The following DHX30 variants were observed in gnomAD, a reference collection of about 807,000 sequenced individuals.
The protein encoded by DHX30 is DExH-box helicase 30.
Under a neutral mutation model 116.9 loss-of-function variants are expected in DHX30, and 4 were observed. The observed-to-expected ratio is 0.03, with a 90% CI of 0.02 to 0.08. DHX30 has a LOEUF of 0.08. DHX30 is among the 10% of genes least tolerant of loss of function. The pLI is 1.00. For missense variants in DHX30, 871 were observed against 1,595.1 expected (o/e 0.55, Z 7.73); for synonymous variants, 697 against 651.7 (o/e 1.07, Z -1.06).
chr3:47,835,357 G>T (rs1268132069), intron 6 of DHX30, among the ~76,000 whole-genome samples: 2 of 152,008 alleles, frequency 1.3e-5, no homozygotes, highest in Non-Finnish European at 2.9e-5. Flanking sequence ...TACTAGAGAT[G>T]GGGTTTCTCC....
intron 4 of DHX30, among the ~76,000 whole-genome samples, chr3:47,820,309 A>G (rs189346277): frequency 6.6e-6 from 1 of 151,810 alleles, no homozygotes; most frequent in East Asian, 1.9e-4. Context: ...GCGAGACTCC[A>G]TCTCAAAAAA....
At chr3:47,822,820 G>T (rs753051729) in intron 4 of DHX30, among the ~76,000 whole-genome samples, 14 of 151,548 alleles carry the variant, frequency 9.2e-5, no homozygotes, top group Admixed American at 6.6e-5. Flanking sequence ...AAGGCCAGGC[G>T]CAGTGGCCCA....
Position 47,847,507 on chromosome 3 carries a change from T to G in DHX30, c.2081T>G (p.Met694Arg), listed in dbSNP as rs766346691. ...VQQRLQEALG[M>R]HESKYLILPV... ...CAGCGCCTCCAGGAGGCCCTGGGCATGCACGAGAGCAAGTACCTCATCCTG... is the reference window on the plus strand; with the variant it reads ...CAGCGCCTCCAGGAGGCCCTGGGCAGGCACGAGAGCAAGTACCTCATCCTG... Residue 694 changes from methionine (M) to arginine (R), a missense_variant, in exon 13 of 22, where the codon ATG becomes AGG. Physicochemically the swap from Met to Arg is moderately conservative, Grantham distance 91. Around this residue, in one of 13 missense-constraint regions of DHX30, gnomAD observed 49 missense variants for 60.9 expected, o/e 0.80. Transcript: ENST00000445061. The surrounding 1 kb of genome is among the most constrained non-coding windows in gnomAD (Gnocchi z 5.5). 1.4e-5 allele frequency: 22 copies of G among 1,611,912 alleles called. No homozygotes were observed. Among genetic ancestry groups the G allele is most frequent in the Non-Finnish European group, 1.7e-5 (20 of 1,179,022 alleles).
At chr3:47,840,372 C>T (rs555186803) in intron 6 of DHX30, among the ~76,000 whole-genome samples, 4 of 151,188 alleles carry the variant, frequency 2.6e-5, no homozygotes, top group South Asian at 2.1e-4. Context: ...GGGCTTGGTG[C>T]GGTGGCTCAT....
chr3:47,822,114 GTC>G (rs1381543942), intron 4 of DHX30: 2 of 152,218 alleles, frequency 1.3e-5, no homozygotes, highest in African/African-American at 4.8e-5. Context: ...TCTGGATTTG[GTC>G]TGCAGGCTGT....
intron 2 of DHX30, among the ~76,000 whole-genome samples, chr3:47,809,258 T>TC (rs2035678696): frequency 7.2e-6 from 1 of 139,766 alleles, no homozygotes; most frequent in Non-Finnish European, 1.5e-5. Context: ...TTTTTTTTTT[T>TC]TGAGACGGAG....
intron 5 of DHX30, 111 bp downstream of exon 5, chr3:47,827,588 A>G (rs2036603917): frequency 2.1e-6 from 3 of 1,402,672 alleles, no homozygotes; most frequent in Non-Finnish European, 2.9e-6. Context: ...GGTTTCCTGA[A>G]TTAAAATGGT....
intron 5 of DHX30, among the ~76,000 whole-genome samples, chr3:47,827,988 A>G (rs962921626): frequency 6.6e-6 from 1 of 151,974 alleles, no homozygotes; most frequent in African/African-American, 2.4e-5. Flanking sequence ...CCTCCAAAGT[A>G]GCTGGGACTA....
intron 4 of DHX30, among the ~76,000 whole-genome samples, chr3:47,821,448 T>A (rs2036296108): frequency 1.3e-5 from 2 of 151,258 alleles, no homozygotes; most frequent in Non-Finnish European, 2.9e-5. Context: ...TGTATTTTTT[T>A]AGTAGAGATG....
intron 4 of DHX30, among the ~76,000 whole-genome samples, chr3:47,821,672 C>CA (rs1196501936): frequency 1.3e-5 from 2 of 152,108 alleles, no homozygotes; most frequent in African/African-American, 4.8e-5. Flanking sequence ...AATGTCGGCT[C>CA]ACTGCAACCT....
intron 4 of DHX30, chr3:47,825,089 G>C (rs1423386216): frequency 9.0e-6 from 6 of 670,248 alleles, no homozygotes; most frequent in South Asian, 1.6e-5. Flanking sequence ...ATCTCTCCGC[G>C]CCTGCAGCCG....
chr3:47,810,538 A>G, intron 2 of DHX30, 119 bp from the exon 3 acceptor site: 1 of 764,904 alleles, frequency 1.3e-6, no homozygotes, highest in Non-Finnish European at 2.2e-6. Flanking sequence ...GGGGCTCATT[A>G]GTGAAGAGTT....
chr3:47,846,051 C>A, intron 10 of DHX30, 114 bp from the exon 11 acceptor site: 1 of 1,408,370 alleles, frequency 7.1e-7, no homozygotes. Flanking sequence ...AATTAATCCT[C>A]TGCCCAGCGG....
chr3:47,807,920 A>T (rs938596012), intron 2 of DHX30, among the ~76,000 whole-genome samples: 8 of 150,070 alleles, frequency 5.3e-5, no homozygotes, highest in Non-Finnish European at 1.0e-4. Flanking sequence ...TTTTTTTTAA[A>T]TTTTTTTGAG....
Position 47,841,016 on chromosome 3 carries a change from A to T in DHX30, c.506A>T (p.Asn169Ile). Residue 169 changes from asparagine (N) to isoleucine (I), a missense_variant, in exon 7 of 22, where the codon AAT becomes ATT. This residue lies in a region of DHX30 where 109 missense variants were observed against 118.8 expected (regional missense o/e 0.92). Transcript: ENST00000445061. ...TMPPTSWRQL[N>I]PESIRPGGPG... ...CCCCCTACTTCCTGGCGGCAGCTGA[A>T]TCCAGAGAGTATTCGACCAGGGGGA... 6.2e-7 allele frequency: 1 copy of T among 1,614,186 alleles called. No homozygotes were observed. Among genetic ancestry groups the T allele is most frequent in the Non-Finnish European group, 8.5e-7 (1 of 1,180,012 alleles).
At chr3:47,831,089 T>C (rs2036827472) in intron 6 of DHX30, 2 of 149,820 alleles carry the variant, frequency 1.3e-5, no homozygotes, top group Admixed American at 1.3e-4. Context: ...TCCATTGCTA[T>C]AAAGGAATAC....
chr3:47,805,561 CAG>C (rs2035478813), intron 2 of DHX30, 141 bp downstream of exon 2: 1 of 385,666 alleles, frequency 2.6e-6, no homozygotes, highest in African/African-American at 2.1e-5. Flanking sequence ...ATTTTTGAGA[CAG>C]AGTCTCGCTT....
chr3:47,840,984 C>T lies in DHX30; in HGVS notation c.474C>T (p.Pro158=), dbSNP rs1422127496. ...CCGACAGCTGGTGGCGTCCGGAACC[C>T]ACCATGCCCCCTACTTCCTGGCGGC... is the stretch of plus-strand genomic sequence containing the variant. ...SPADSWWRPE[P]TMPPTSWRQL... The change falls in exon 7 of 22, where the codon CCC becomes CCT. Residue 158 remains proline (P), a synonymous_variant. Coordinates refer to ENST00000445061, the MANE Select transcript of DHX30 (RefSeq NM_138615.3). 1 of 1,614,122 alleles carries T rather than the reference C, an allele frequency of 6.2e-7. No individual in the cohort carries two copies. Among genetic ancestry groups the T allele is most frequent in the African/African-American group, 1.3e-5 (1 of 74,938 alleles).
Position 47,848,465 on chromosome 3 carries a change from A to G in DHX30, c.2494-4A>G, listed in dbSNP as rs758767847. ...GCTCATGGCGGGCTCTGGCTCTGTC[A>G]TAGGCGGTGGAGTTCCTGTCCAAGG... is the stretch of plus-strand genomic sequence containing the variant. On this transcript the variant is annotated splice_region_variant and splice_polypyrimidine_tract_variant and intron_variant, in intron 15 of 21. Transcript: ENST00000445061. The surrounding 1 kb of genome is among the most constrained non-coding windows in gnomAD (Gnocchi z 9.4). The G allele has an allele frequency of 6.2e-7, 1 of 1,613,684 alleles. No homozygotes were observed. The highest frequency in any genetic ancestry group is 8.5e-7 in the Non-Finnish European group (1 of 1,179,874).
Sources: allele counts gnomAD v4.1 joint callset (sites outside exome capture counted in the v4.1 genomes callset), GRCh38; gene constraint gnomAD v4.1.1; regional missense constraint gnomAD v4.1.1; non-coding constraint Gnocchi (gnomAD v3.1); transcripts MANE v1.5; gene names NCBI Gene and HGNC (gene_info 2026-07-23, HGNC 2026-07-21).